Variants in DOP1A observed in about 807,000 individuals in gnomAD.
DOP1A encodes DOP1 leucine zipper like protein A.
Under a neutral mutation model 267.6 loss-of-function variants are expected in DOP1A, and 90 were observed. That is an observed-to-expected ratio of 0.34 (90% CI 0.28 to 0.40). The LOEUF (loss-of-function observed/expected upper bound fraction) is 0.40, where lower values mean the gene tolerates loss of function less well. Ranked by LOEUF, DOP1A falls within the 10% of genes least tolerant of loss-of-function variation. DOP1A has a pLI of 1.00. For missense variants in DOP1A, 2,437 were observed against 2,900.4 expected, an observed-to-expected ratio of 0.84 and a Z score of 3.67; for synonymous variants, 932 against 999.1, an observed-to-expected ratio of 0.93 and a Z score of 1.27.
downstream of DOP1A, chr6:83,169,253 C>A (rs1583239543): frequency 1.2e-6 from 2 of 1,614,060 alleles, no homozygotes; most frequent in Non-Finnish European, 1.7e-6. Context: ...TGGTTGGGGC[C>A]TTTCTCCAAT....
At chr6:83,094,721 G>A (rs902324517) in intron 1 of DOP1A, among the ~76,000 whole-genome samples, 8 of 151,974 alleles carry the variant, frequency 5.3e-5, no homozygotes, top group South Asian at 2.1e-4. Context: ...GCCCACTTTG[G>A]AATTATTTGT....
At chr6:83,151,718 G>A (rs1309468768) in intron 28 of DOP1A, 59 bp downstream of exon 28, 3 of 1,520,074 alleles carry the variant, frequency 2.0e-6, no homozygotes, top group Middle Eastern at 1.8e-4. Flanking sequence ...ATTTGAAAAT[G>A]AGAGAGTCAA....
intron 6 of DOP1A, among the ~76,000 whole-genome samples, chr6:83,111,248 C>T (rs1237002161): frequency 6.6e-6 from 1 of 152,052 alleles, no homozygotes; most frequent in East Asian, 1.9e-4. Context: ...CTGCGCCTGG[C>T]TTGTGTTCAC....
Position 83,137,693 on chromosome 6 carries a change from GT to G in DOP1A, c.3652del (p.Ser1218LeufsTer39). ...LLSNESSQFL[S>X]VSAEGGHECV... The stretch of plus-strand genomic sequence containing the variant: ...TGAGTAATGAAAGTTCTCAGTTTCT[GT>G]CTGTGTCTGCAGAGGGAGGCCATGA... On this transcript the variant is annotated frameshift_variant, in exon 21 of 39. Transcript: ENST00000349129. LOFTEE classifies it high-confidence loss of function. The G allele has an allele frequency of 6.2e-7, 1 of 1,613,586 alleles. No homozygotes were observed. Among genetic ancestry groups the G allele is most frequent in the Non-Finnish European group, 8.5e-7 (1 of 1,179,784 alleles).
Position 83,136,120 on chromosome 6 carries a change from G to C in DOP1A, c.3130+242G>C, listed in dbSNP as rs138415274. 6.2e-3 allele frequency among the ~76,000 whole-genome samples: 950 copies of C among 152,190 alleles called. 11 individuals are homozygous for C. The highest frequency in any genetic ancestry group is 0.022 in the African/African-American group (905 of 41,558). Reference sequence around the variant, plus strand: ...CAGGGCAGGAATCAGGCACAGCTCTGATTAGAGACATTCTTCAATTTTGAT... The same window carrying C: ...CAGGGCAGGAATCAGGCACAGCTCTCATTAGAGACATTCTTCAATTTTGAT... On this transcript the variant is annotated intron_variant, in intron 20 of 38. Coordinates refer to ENST00000349129, the MANE Select transcript of DOP1A (RefSeq NM_015018.4).
chr6:83,138,698 G>A lies in DOP1A; in HGVS notation c.4656G>A (p.Leu1552=). 1.2e-6 allele frequency: 2 copies of A among 1,613,990 alleles called. No individual in the cohort carries two copies. The highest frequency in any genetic ancestry group is 1.7e-6 in the Non-Finnish European group (2 of 1,179,946). ...WHSEKMAGKN[L]VAVEEGFSED... Reference sequence around the variant, plus strand: ...GTGAAAAAATGGCAGGTAAGAACCTGGTTGCTGTGGAAGAAGGTTTCTCAG... The same window carrying A: ...GTGAAAAAATGGCAGGTAAGAACCTAGTTGCTGTGGAAGAAGGTTTCTCAG... The change falls in exon 21 of 39, where the codon CTG becomes CTA. Residue 1552 remains leucine (L), a synonymous_variant. Transcript: ENST00000349129.
At chr6:83,072,745 A>G (rs888835311) in intron 1 of DOP1A, among the ~76,000 whole-genome samples, 1 of 152,262 alleles carries the variant, frequency 6.6e-6, no homozygotes, top group Non-Finnish European at 1.5e-5. Context: ...AAGGTACTAT[A>G]AAGTATCAGC....
chr6:83,157,409 G>A (rs1783028154), intron 35 of DOP1A, 91 bp downstream of exon 35: 3 of 1,349,908 alleles, frequency 2.2e-6, no homozygotes, highest in South Asian at 2.4e-5. Context: ...ACGAATATTG[G>A]GAGAGAACTG....
intron 25 of DOP1A, 23 bp downstream of exon 25, chr6:83,145,681 A>G: frequency 6.2e-7 from 1 of 1,604,752 alleles, no homozygotes; most frequent in Non-Finnish European, 8.5e-7. Flanking sequence ...TCTTCTTCAC[A>G]TGTGTTTACA....
chr6:83,077,084 A>T (rs893821548), intron 1 of DOP1A, among the ~76,000 whole-genome samples: 2 of 152,250 alleles, frequency 1.3e-5, no homozygotes, highest in Non-Finnish European at 2.9e-5. Context: ...TCATAAAAGC[A>T]GAAAATAGAA....
intron 1 of DOP1A, among the ~76,000 whole-genome samples, chr6:83,094,935 TTTTG>T (rs895809703): frequency 9.7e-4 from 147 of 152,308 alleles, no homozygotes; most frequent in African/African-American, 3.4e-3. Context: ...TTTTATTTTA[TTTTG>T]TTTATTTTTT....
Position 83,166,175 on chromosome 6 carries a change from C to T in DOP1A, c.7093-1687C>T. 4 of 503,240 alleles carry T rather than the reference C, an allele frequency of 7.9e-6. No homozygotes were observed. The South Asian group carries it at 1.6e-4, about 20-fold the overall frequency. 31.2% of individuals were successfully genotyped at this position (503,240 alleles called of 1,614,324 possible). On this transcript the variant is annotated intron_variant, in intron 38 of 38. Transcript: ENST00000349129. ...TATTTTTCACTCAGCTCATGAGGCA[C>T]CCATTTATTGAGCTTTTTCACCTTT...
At chr6:83,164,770 A>G in intron 38 of DOP1A, 2 of 1,474,694 alleles carry the variant, frequency 1.4e-6, no homozygotes, top group Non-Finnish European at 1.8e-6. Context: ...GTTGCCAAAT[A>G]TTGAGACACA....
At chr6:83,144,940 C>CA (rs892553396) in intron 24 of DOP1A, among the ~76,000 whole-genome samples, 10 of 148,188 alleles carry the variant, frequency 6.7e-5, no homozygotes, top group African/African-American at 9.9e-5. Flanking sequence ...TCTGTCTCCA[C>CA]AAAAAAATTA....
chr6:83,114,778 G>A (rs923679152), intron 7 of DOP1A, among the ~76,000 whole-genome samples: 4 of 152,076 alleles, frequency 2.6e-5, no homozygotes, highest in African/African-American at 9.7e-5. Flanking sequence ...CAGCCAAAAT[G>A]TTCTAGATTC....
intron 1 of DOP1A, 92 bp downstream of exon 1, chr6:83,067,871 C>G (rs1174013254): frequency 6.6e-6 from 1 of 152,286 alleles, no homozygotes; most frequent in Non-Finnish European, 1.5e-5. Context: ...GCCGCGGGGA[C>G]GCCTTGCGAG....
At chr6:83,068,754 A>G (rs1785122242) in intron 1 of DOP1A, among the ~76,000 whole-genome samples, 1 of 152,238 alleles carries the variant, frequency 6.6e-6, no homozygotes, top group East Asian at 1.9e-4. Flanking sequence ...ATTATGTGCT[A>G]AGTAACTCAC....
At chr6:83,085,998 TAGAAG>T (rs1482251186) in intron 1 of DOP1A, among the ~76,000 whole-genome samples, 1 of 152,024 alleles carries the variant, frequency 6.6e-6, no homozygotes, top group Non-Finnish European at 1.5e-5. Flanking sequence ...GTTAGAATAA[TAGAAG>T]AGGAAAAGTG....
intron 4 of DOP1A, 41 bp from the exon 5 acceptor site, chr6:83,108,863 GTATAGT>G: frequency 6.6e-7 from 1 of 1,525,746 alleles, no homozygotes; most frequent in East Asian, 2.3e-5. Context: ...AATTAATATT[GTATAGT>G]TATTTTGCTT....
Sources: allele counts gnomAD v4.1 joint callset (sites outside exome capture counted in the v4.1 genomes callset), GRCh38; gene constraint gnomAD v4.1.1; transcripts MANE v1.5; gene names NCBI Gene and HGNC (gene_info 2026-07-23, HGNC 2026-07-21).